PPARGC1B: variants seen among roughly 807,000 people sequenced by gnomAD.
PPARGC1B encodes the protein peroxisome proliferator-activated receptor gamma coactivator 1-beta.
Under a neutral mutation model 101.6 loss-of-function variants are expected in PPARGC1B, and 34 were observed. The ratio of observed to expected loss-of-function variants is 0.33; its 90% CI spans 0.25 to 0.45. The LOEUF is 0.45. Among genes scored for constraint, PPARGC1B ranks in the 20% least tolerant of loss-of-function variants. PPARGC1B has a pLI of 1.00. For missense variants in PPARGC1B, 1,234 were observed against 1,317.6 expected, an observed-to-expected ratio of 0.94 and a Z score of 0.98; for synonymous variants, 548 against 539.3, an observed-to-expected ratio of 1.02 and a Z score of -0.22.
chr5:149,740,861 A>C (rs1754880994), intron 1 of PPARGC1B, among the ~76,000 whole-genome samples: 2 of 152,216 alleles, frequency 1.3e-5, no homozygotes, highest in African/African-American at 4.8e-5. Flanking sequence ...TGACAACGAC[A>C]ATGATGTAAA....
In PPARGC1B at chr5:149,826,801, T is replaced by C. The variant is rs1309812855; in HGVS notation, c.381T>C (p.Ala127=). ...GAGACGCTCTATCATGCACCTCAGC[T>C]TCGCCTGCCCCCTCATCTGCACCCC... is the stretch of plus-strand genomic sequence containing the variant. The part of the protein sequence containing the change: ...DGGDALSCTS[A]SPAPSSAPPS... The change falls in exon 3 of 12, where the codon GCT becomes GCC. Residue 127 remains alanine, a synonymous_variant. Transcript: ENST00000309241. The C allele has an allele frequency of 2.5e-6, 4 of 1,614,014 alleles. No homozygotes were observed. Among genetic ancestry groups the C allele is most frequent in the Non-Finnish European group, 3.4e-6 (4 of 1,179,938 alleles).
At chr5:149,751,451 A>G (rs1434567101) in intron 1 of PPARGC1B, among the ~76,000 whole-genome samples, 1 of 152,186 alleles carries the variant, frequency 6.6e-6, no homozygotes, top group Non-Finnish European at 1.5e-5. Flanking sequence ...CATGCCTGTA[A>G]TCCCAGCACT....
chr5:149,776,737 C>G (rs1756374116), intron 1 of PPARGC1B, among the ~76,000 whole-genome samples: 1 of 152,220 alleles, frequency 6.6e-6, no homozygotes, highest in Non-Finnish European at 1.5e-5. Context: ...CAGCAGTTAG[C>G]CCCACATTCA....
intron 1 of PPARGC1B, among the ~76,000 whole-genome samples, chr5:149,779,882 A>C (rs958893596): frequency 6.6e-6 from 1 of 152,058 alleles, no homozygotes; most frequent in Non-Finnish European, 1.5e-5. Flanking sequence ...ATGATTGAGA[A>C]AGGAGTAGAT....
rs1359833516 is a variant in PPARGC1B at position 149,833,390 on chromosome 5, G to A, written c.1317G>A (p.Glu439=). The change falls in exon 5 of 12, where the codon GAG becomes GAA. Residue 439 remains glutamate (E), a synonymous_variant. Coordinates refer to ENST00000309241, the MANE Select transcript of PPARGC1B (RefSeq NM_133263.4). The surrounding 1 kb of genome is among the most constrained non-coding windows in gnomAD (Gnocchi z 4.1). ...AGGAAGACGAGGAAGAAGAGGAGGA[G>A]GAAGAGGAAGAAGAAAAAGAGGAGG... ...QEEEDEEEEE[E]EEEEEKEEEE... 1 of 1,611,658 alleles carries A rather than the reference G, an allele frequency of 6.2e-7. No individual in the cohort carries two copies. Among genetic ancestry groups the A allele is most frequent in the South Asian group, 1.1e-5 (1 of 90,866 alleles).
chr5:149,734,513 A>G (rs747713546), intron 1 of PPARGC1B, among the ~76,000 whole-genome samples: 9 of 151,888 alleles, frequency 5.9e-5, no homozygotes, highest in Non-Finnish European at 1.0e-4. Flanking sequence ...TTGAACCGAG[A>G]TGTATTTAAT....
rs191276929 is a variant in PPARGC1B at position 149,812,680 on chromosome 5, T to C, written c.79-7753T>C. On this transcript the variant is annotated intron_variant, in intron 1 of 11. Transcript: ENST00000309241. ...CTTTCTCAGGCAGGCCCTTTGCAGG[T>C]AGTGGCAAAGAGGGCTGCCAGCCTA... 1.2e-4 allele frequency among the ~76,000 whole-genome samples: 18 copies of C among 152,306 alleles called. No homozygotes were observed. In the East Asian group the frequency reaches 2.7e-3, roughly 23 times the overall value.
rs982582629 is a variant in PPARGC1B, at chr5:149,789,375, G to A, written c.79-31058G>A. Among the ~76,000 whole-genome samples the A allele has an allele frequency of 3.9e-5, 6 of 152,214 alleles. 1 individual carries two copies. The highest frequency in any genetic ancestry group is 1.4e-4 in the African/African-American group (6 of 41,444). ...ACTTATGTACACAGGTTGTGTCCTT[G>A]CGGAAGTCATTTTCCTTGCTGAAGC... On this transcript the variant is annotated intron_variant, in intron 1 of 11. Transcript: ENST00000309241.
At chr5:149,792,312 A>G (rs957087665) in intron 1 of PPARGC1B, among the ~76,000 whole-genome samples, 9 of 152,184 alleles carry the variant, frequency 5.9e-5, no homozygotes, top group Non-Finnish European at 1.0e-4. Flanking sequence ...AGCATGGAGC[A>G]TGGCAGAAAT....
chr5:149,786,075 A>G (rs1217646583), intron 1 of PPARGC1B, among the ~76,000 whole-genome samples: 1 of 152,024 alleles, frequency 6.6e-6, no homozygotes, highest in Admixed American at 6.6e-5. Flanking sequence ...GGCATGTGCT[A>G]CAATGCCAGG....
In PPARGC1B at chr5:149,832,923, A is replaced by G. The variant is rs778863623; in HGVS notation, c.850A>G (p.Met284Val). 6 of 1,613,082 alleles carry G rather than the reference A, an allele frequency of 3.7e-6. No individual in the cohort carries two copies. Among genetic ancestry groups the G allele is most frequent in the Non-Finnish European group, 5.1e-6 (6 of 1,180,032 alleles). ...CGGTGCCCCGGTTTCCCAGGAAGAC[A>G]TGCAGGCGATGGTGCAACTCATACG... Reference protein sequence around the residue: ...DPGAPVSQEDMQAMVQLIRYM... With the variant: ...DPGAPVSQEDVQAMVQLIRYM... Residue 284 changes from methionine to valine, a missense_variant, in exon 5 of 12, where the codon ATG (methionine) becomes GTG (valine). Physicochemically the swap from Met to Val is conservative, Grantham distance 21. Coordinates refer to ENST00000309241, the MANE Select transcript of PPARGC1B (RefSeq NM_133263.4). The surrounding 1 kb of genome is among the most constrained non-coding windows in gnomAD (Gnocchi z 4.9).
intron 1 of PPARGC1B, among the ~76,000 whole-genome samples, chr5:149,769,336 C>T (rs188851662): frequency 2.0e-5 from 3 of 152,292 alleles, no homozygotes; most frequent in Admixed American, 6.5e-5. Flanking sequence ...TGTACCGGTT[C>T]GTGGCCTGAA....
chr5:149,808,488 G>A (rs897486979), intron 1 of PPARGC1B, among the ~76,000 whole-genome samples: 1 of 152,134 alleles, frequency 6.6e-6, no homozygotes, highest in Non-Finnish European at 1.5e-5. Context: ...AATGGTGAGT[G>A]TTGATGTCAG....
At chr5:149,828,915 G>C (rs1479351551) in intron 3 of PPARGC1B, among the ~76,000 whole-genome samples, 4 of 151,612 alleles carry the variant, frequency 2.6e-5, no homozygotes, top group Non-Finnish European at 5.9e-5. Context: ...GCCCGGTATG[G>C]TGGCACGTGC....
In PPARGC1B at chr5:149,826,944, A is replaced by C. The variant is rs17110592; in HGVS notation, c.465+59A>C. 1.4e-3 allele frequency: 1,902 copies of C among 1,365,094 alleles called. 26 individuals carry two copies. The African/African-American group carries it at 0.024, about 17-fold the overall frequency. 84.6% of individuals were successfully genotyped at this position (1,365,094 alleles called of 1,614,324 possible). A position where few individuals can be genotyped will look rare whatever the true frequency, so the allele number is the denominator to read the frequency against. On this transcript the variant is annotated intron_variant, in intron 3 of 11. Coordinates refer to ENST00000309241, the MANE Select transcript of PPARGC1B (RefSeq NM_133263.4). ...CAGCCTGGGATTAGGTTTCTGGTTC[A>C]GGGCATGGGGTGCAGAGCAATCCGC...
intron 1 of PPARGC1B, among the ~76,000 whole-genome samples, chr5:149,779,070 T>C (rs1756499661): frequency 6.6e-6 from 1 of 152,098 alleles, no homozygotes; most frequent in South Asian, 2.1e-4. Context: ...AGGAGACTCC[T>C]TGAGACAAAG....
intron 1 of PPARGC1B, among the ~76,000 whole-genome samples, chr5:149,796,212 C>T (rs907897565): frequency 3.3e-5 from 5 of 152,000 alleles, no homozygotes; most frequent in Admixed American, 6.5e-5. Flanking sequence ...AGTGAGCAGT[C>T]GGTGGAGTAG....
rs558556568 is a variant in PPARGC1B, at chr5:149,768,230, T to C, written c.78+37810T>C. On this transcript the variant is annotated intron_variant, in intron 1 of 11. Coordinates refer to ENST00000309241, the MANE Select transcript of PPARGC1B (RefSeq NM_133263.4). ...TGGAGATTTGAAGTTGTCACAAATA[T>C]ATTTTTAAGGCCACCAGATGCAGCT... Among the ~76,000 whole-genome samples the C allele has an allele frequency of 2.6e-5, 4 of 152,288 alleles. No individual in the cohort carries two copies. In the East Asian group the frequency reaches 7.7e-4, roughly 29 times the overall value.
At chr5:149,834,406 T>C (rs1758956389) in intron 5 of PPARGC1B, among the ~76,000 whole-genome samples, 3 of 152,226 alleles carry the variant, frequency 2.0e-5, no homozygotes, top group Admixed American at 2.0e-4. Context: ...AAGTTCTTCC[T>C]CACTGTGCTA....
Sources: allele counts gnomAD v4.1 joint callset (sites outside exome capture counted in the v4.1 genomes callset), GRCh38; gene constraint gnomAD v4.1.1; non-coding constraint Gnocchi (gnomAD v3.1); transcripts MANE v1.5; gene names NCBI Gene and HGNC (gene_info 2026-07-23, HGNC 2026-07-21).